The following EML4 variants were observed in gnomAD, a reference collection of about 807,000 sequenced individuals.
The protein encoded by EML4 is EMAP like 4, also known as echinoderm microtubule-associated protein-like 4.
Under a neutral mutation model 129.0 loss-of-function variants are expected in EML4, and 72 were observed. The ratio of observed to expected loss-of-function variants is 0.56; its 90% confidence interval spans 0.46 to 0.68. EML4 has a LOEUF of 0.68. Among genes scored for constraint, EML4 ranks in the 30% least tolerant of loss-of-function variants. EML4 has a pLI of 0.00. For missense variants in EML4, 1,363 were observed against 1,190.6 expected (o/e 1.14, Z -2.13); for synonymous variants, 532 against 405.0 (o/e 1.31, Z -3.77).
chr2:42,314,908 T>C (rs1039751528), intron 17 of EML4, among the ~76,000 whole-genome samples: 6 of 152,220 alleles, frequency 3.9e-5, no homozygotes, highest in Non-Finnish European at 8.8e-5. Flanking sequence ...TGTAGTTGGA[T>C]TTAAGTCGTT....
At chr2:42,226,672 AAAATAAAAT>A (rs200480961) in intron 1 of EML4, among the ~76,000 whole-genome samples, 6,562 of 151,904 alleles carry the variant, frequency 0.043, 441 homozygotes, top group African/African-American at 0.15. Context: ...AAAATAAAAT[AAAATAAAAT>A]AAATAAAATA....
chr2:42,271,934 C>T (rs1185826831), intron 6 of EML4, among the ~76,000 whole-genome samples: 1 of 151,992 alleles, frequency 6.6e-6, no homozygotes, highest in East Asian at 1.9e-4. Flanking sequence ...AAAACCCCAT[C>T]TCTACAAAAA....
intron 1 of EML4, among the ~76,000 whole-genome samples, chr2:42,225,391 C>T (rs917239623): frequency 6.6e-6 from 1 of 152,148 alleles, no homozygotes; most frequent in Non-Finnish European, 1.5e-5. Context: ...GTTCTAATTT[C>T]TCCACGTATG....
At chr2:42,288,384 G>A in intron 11 of EML4, 62 bp downstream of exon 11, 2 of 847,284 alleles carry the variant, frequency 2.4e-6, no homozygotes, top group Non-Finnish European at 1.9e-6. Flanking sequence ...GCAGGTATTT[G>A]GAACTATATT....
intron 6 of EML4, among the ~76,000 whole-genome samples, chr2:42,267,193 A>C (rs1558557807): frequency 6.6e-6 from 1 of 152,234 alleles, no homozygotes; most frequent in African/African-American, 2.4e-5. Flanking sequence ...AAGTGTACCC[A>C]GTACCTGACA....
intron 17 of EML4, among the ~76,000 whole-genome samples, chr2:42,309,141 C>G (rs2103755348): frequency 6.6e-6 from 1 of 152,140 alleles, no homozygotes; most frequent in African/African-American, 2.4e-5. Flanking sequence ...CACAATGGCT[C>G]ACACCTGTAA....
intron 1 of EML4, among the ~76,000 whole-genome samples, chr2:42,192,235 T>G (rs557570742): frequency 1.3e-5 from 2 of 149,208 alleles, no homozygotes; most frequent in African/African-American, 2.5e-5. Flanking sequence ...TTTTTTTGTT[T>G]TTTTTTTTGG....
chr2:42,300,742 A>G (rs1368129415), intron 13 of EML4, among the ~76,000 whole-genome samples: 1 of 152,210 alleles, frequency 6.6e-6, no homozygotes, highest in African/African-American at 2.4e-5. Flanking sequence ...TCAGAAGGTC[A>G]ACCAAAGATG....
intron 1 of EML4, among the ~76,000 whole-genome samples, chr2:42,180,014 G>C (rs975723857): frequency 1.4e-4 from 22 of 152,190 alleles, no homozygotes; most frequent in African/African-American, 5.1e-4. Context: ...TTAATAATAG[G>C]TTAATTTGGT....
intron 11 of EML4, chr2:42,289,506 T>C (rs1667502505): frequency 2.0e-5 from 3 of 152,206 alleles, no homozygotes; most frequent in Admixed American, 2.0e-4. Flanking sequence ...CCTAGACATC[T>C]TTATTTGAAT....
intron 1 of EML4, among the ~76,000 whole-genome samples, chr2:42,235,146 A>G (rs979317813): frequency 6.6e-6 from 1 of 152,106 alleles, no homozygotes; most frequent in Non-Finnish European, 1.5e-5. Flanking sequence ...AAGTACAGAA[A>G]TTAGCCGGGT....
At chr2:42,265,477 C>G (rs1173216370) in intron 6 of EML4, among the ~76,000 whole-genome samples, 1 of 152,082 alleles carries the variant, frequency 6.6e-6, no homozygotes, top group Non-Finnish European at 1.5e-5. Context: ...TGACCTCAAG[C>G]AGTCCTCCCG....
intron 17 of EML4, among the ~76,000 whole-genome samples, chr2:42,314,173 A>C (rs1329807496): frequency 3.3e-5 from 5 of 152,132 alleles, no homozygotes; most frequent in Middle Eastern, 3.2e-3. Context: ...AGCCTGGCCA[A>C]CATGGTAAAA....
At chr2:42,278,258 T>A (rs1465592051) in intron 6 of EML4, among the ~76,000 whole-genome samples, 1 of 152,028 alleles carries the variant, frequency 6.6e-6, no homozygotes, top group East Asian at 1.9e-4. Context: ...GTTTTTTTGG[T>A]TTTTTGTTTT....
chr2:42,258,339 G>T (rs1331563970), intron 3 of EML4, among the ~76,000 whole-genome samples: 2 of 151,538 alleles, frequency 1.3e-5, no homozygotes, highest in African/African-American at 4.8e-5. Context: ...TTTAATTTCA[G>T]AGTTAATCTG....
In EML4 at chr2:42,282,921, A is replaced by G. The variant is rs191981255; in HGVS notation, c.890A>G (p.Tyr297Cys). Reference protein sequence around the residue: ...FIASVVVLFNYEERTQRHYLG... With the variant: ...FIASVVVLFNCEERTQRHYLG... ...GCATCAGTAGTAGTACTATTTAATT[A>G]TGAGGAGAGAACTCAGCGACACTAC... Residue 297 changes from tyrosine to cysteine, a missense_variant, in exon 8 of 23, where the codon TAT becomes TGT. Coordinates refer to ENST00000318522, the MANE Select transcript of EML4 (RefSeq NM_019063.5). 1 of 1,613,532 alleles carries G rather than the reference A, an allele frequency of 6.2e-7. No homozygotes were observed. Among genetic ancestry groups the G allele is most frequent in the East Asian group, 2.2e-5 (1 of 44,868 alleles).
chr2:42,189,041 A>C (rs924399929), intron 1 of EML4, among the ~76,000 whole-genome samples: 4 of 152,028 alleles, frequency 2.6e-5, no homozygotes, highest in South Asian at 2.1e-4. Flanking sequence ...TTTTTGTTTA[A>C]GTTTTTTAAG....
chr2:42,294,531 A>G (rs1295434466), intron 11 of EML4, among the ~76,000 whole-genome samples: 1 of 152,182 alleles, frequency 6.6e-6, no homozygotes, highest in East Asian at 1.9e-4. Context: ...CCATGTCTCT[A>G]TTGAAAATAC....
chr2:42,304,813 G>A (rs183779749), intron 17 of EML4, among the ~76,000 whole-genome samples: 4 of 152,132 alleles, frequency 2.6e-5, no homozygotes, highest in Non-Finnish European at 5.9e-5. Context: ...CTACATTTTA[G>A]CGTGTATGGG....
Sources: allele counts gnomAD v4.1 joint callset (sites outside exome capture counted in the v4.1 genomes callset), GRCh38; gene constraint gnomAD v4.1.1; transcripts MANE v1.5; gene names NCBI Gene and HGNC (gene_info 2026-07-23, HGNC 2026-07-21).